The following GSE1 variants were observed in gnomAD, a reference collection of about 807,000 sequenced individuals.
The protein encoded by GSE1 is Gse1 coiled-coil protein, also known as genetic suppressor element 1.
A neutral mutation model predicts 112.6 loss-of-function variants in GSE1; 32 were observed. The ratio of observed to expected loss-of-function variants is 0.28; its 90% CI spans 0.21 to 0.38. The LOEUF is 0.38. GSE1 is among the 10% of genes least tolerant of loss of function. The pLI is 1.00. For missense variants in GSE1, 2,348 were observed against 1,699.2 expected (o/e 1.38, Z -6.71); for synonymous variants, 1,115 against 735.6 (o/e 1.52, Z -8.35).
intron 1 of GSE1, among the ~76,000 whole-genome samples, chr16:85,257,252 G>A (rs1224067335): frequency 6.6e-6 from 1 of 152,154 alleles, no homozygotes; most frequent in Non-Finnish European, 1.5e-5. Flanking sequence ...GGCATTACAG[G>A]AGCCCTGCCA....
intron 2 of GSE1, among the ~76,000 whole-genome samples, chr16:85,543,463 G>C (rs1419856737): frequency 6.6e-6 from 1 of 152,210 alleles, no homozygotes; most frequent in African/African-American, 2.4e-5. Context: ...GAGGCACCAG[G>C]GTTGCCCACC....
intron 1 of GSE1, among the ~76,000 whole-genome samples, chr16:85,355,524 G>C (rs948771286): frequency 2.6e-5 from 4 of 152,224 alleles, no homozygotes; most frequent in Non-Finnish European, 4.4e-5. Context: ...CCAAGACAGA[G>C]AGCAGACGCC....
intron 2 of GSE1, among the ~76,000 whole-genome samples, chr16:85,442,753 A>T (rs1204647975): frequency 6.6e-6 from 1 of 152,206 alleles, no homozygotes; most frequent in African/African-American, 2.4e-5. Context: ...TAGCTCCCGT[A>T]TTAGTGGCTG....
intron 1 of GSE1, among the ~76,000 whole-genome samples, chr16:85,626,878 TC>T (rs969926958): frequency 6.6e-5 from 10 of 151,248 alleles, no homozygotes; most frequent in African/African-American, 2.4e-4. Flanking sequence ...TAGAGAGGCC[TC>T]CCCCCTCGTT....
chr16:85,544,633 T>G (rs1159077019), intron 2 of GSE1, among the ~76,000 whole-genome samples: 2 of 152,186 alleles, frequency 1.3e-5, no homozygotes, highest in Non-Finnish European at 2.9e-5. Flanking sequence ...CCACATCTTG[T>G]TGGCCAGAGG....
At chr16:85,345,903 G>A (rs1315962853) in intron 1 of GSE1, among the ~76,000 whole-genome samples, 1 of 152,198 alleles carries the variant, frequency 6.6e-6, no homozygotes, top group Non-Finnish European at 1.5e-5. Context: ...CAGTGGATAT[G>A]TGGATGGGTG....
intron 1 of GSE1, among the ~76,000 whole-genome samples, chr16:85,211,727 C>T (rs546881227): frequency 6.6e-6 from 1 of 152,182 alleles, no homozygotes. Flanking sequence ...TGGAGCCTGA[C>T]AGGGTACTGG....
intron 1 of GSE1, among the ~76,000 whole-genome samples, chr16:85,588,951 ATTCACACACACG>A: frequency 6.6e-6 from 1 of 152,186 alleles, no homozygotes. Flanking sequence ...ACTCACACAT[ATTCACACACACG>A]TTCACACTAA....
At chr16:85,381,413 A>C (rs2047543310) in intron 2 of GSE1, among the ~76,000 whole-genome samples, 1 of 152,182 alleles carries the variant, frequency 6.6e-6, no homozygotes, top group African/African-American at 2.4e-5. Context: ...GCTGCTGGGA[A>C]CATGAGTGTG....
intron 1 of GSE1, among the ~76,000 whole-genome samples, chr16:85,205,271 A>G (rs1463509001): frequency 6.6e-6 from 1 of 152,076 alleles, no homozygotes; most frequent in Non-Finnish European, 1.5e-5. Flanking sequence ...AGCTGGAATT[A>G]CAGGTGCCCA....
In GSE1 at chr16:85,656,404, C is replaced by A; in HGVS notation, c.1051C>A (p.Arg351Ser). ...GCGCGAGCGCGAGCGCGAGCGTGAG[C>A]GTGAGGCTGACCGCGAGCGGGAGAA... ...RERERERERE[R>S]EADREREKER... is the part of the protein sequence containing the mutation. Residue 351 changes from arginine (R) to serine (S), a missense_variant, in exon 7 of 16, where the codon CGT (arginine) becomes AGT (serine). Physicochemically the swap from Arg to Ser is moderately radical, Grantham distance 110. Transcript: ENST00000253458. 1 of 1,540,254 alleles carries A rather than the reference C, an allele frequency of 6.5e-7. No individual in the cohort carries two copies. Among genetic ancestry groups the A allele is most frequent in the Non-Finnish European group, 8.9e-7 (1 of 1,129,392 alleles).
intron 1 of GSE1, among the ~76,000 whole-genome samples, chr16:85,287,715 C>G (rs972691551): frequency 2.6e-5 from 4 of 152,096 alleles, no homozygotes; most frequent in Non-Finnish European, 5.9e-5. Context: ...GACCACACCC[C>G]CCGATGCCAT....
chr16:85,628,497 C>G (rs2049264932), intron 1 of GSE1, among the ~76,000 whole-genome samples: 1 of 152,118 alleles, frequency 6.6e-6, no homozygotes, highest in African/African-American at 2.4e-5. Flanking sequence ...CTGAGGTAGC[C>G]TCAGACCCAG....
chr16:85,661,872 C>T (rs781553944), intron 9 of GSE1, 107 bp downstream of exon 9: 55 of 1,173,922 alleles, frequency 4.7e-5, no homozygotes, highest in Non-Finnish European at 6.0e-5. Flanking sequence ...TGCTTTTTGC[C>T]TGGGGTAGTC....
intron 2 of GSE1, among the ~76,000 whole-genome samples, chr16:85,378,243 C>CT (rs1365786324): frequency 1.1e-4 from 17 of 152,172 alleles, no homozygotes; most frequent in African/African-American, 2.2e-4. Context: ...CTCTGGGACT[C>CT]TGTGATGTTC....
intron 2 of GSE1, among the ~76,000 whole-genome samples, chr16:85,368,054 A>G (rs1254231473): frequency 6.6e-6 from 1 of 151,996 alleles, no homozygotes; most frequent in Non-Finnish European, 1.5e-5. Flanking sequence ...GGGTTACTCC[A>G]TGTTGGTCGG....
intron 1 of GSE1, among the ~76,000 whole-genome samples, chr16:85,307,828 C>T (rs1214075179): frequency 1.3e-5 from 2 of 152,188 alleles, no homozygotes; most frequent in Non-Finnish European, 2.9e-5. Flanking sequence ...CAAAGACACT[C>T]TCATCAGGCG....
Position 85,523,661 on chromosome 16 carries a change from C to T in GSE1, c.2465-110253C>T, listed in dbSNP as rs147225034. Among the ~76,000 whole-genome samples, 14 of 152,348 alleles carry T rather than the reference C, an allele frequency of 9.2e-5. No individual in the cohort carries two copies. The East Asian group carries it at 2.5e-3, about 27-fold the overall frequency. On this transcript the variant is annotated intron_variant, in intron 2 of 2. Transcript: ENST00000637419. ...GGGACAGAGGGGGTCCCTCCTCGTG[C>T]CTGCCTCCACCCCCAAACCTTCCCT... is the stretch of plus-strand genomic sequence containing the variant.
rs769389836 is a variant in GSE1 at position 85,661,159 on chromosome 16, C to G, written c.1654C>G (p.Arg552Gly). ...TTCACTCCCTAGGCCAGGACCAAAC[C>G]GTCACGAGCCAGGTGGCCGTGACCC... ...PESTTRPGPN[R>G]HEPGGRDPPQ... The change falls in exon 9 of 16, where the codon CGT becomes GGT. Residue 552 changes from arginine to glycine, a missense_variant. Physicochemically the swap from Arg to Gly is moderately radical, Grantham distance 125 (BLOSUM62 -2). Coordinates refer to ENST00000253458, the MANE Select transcript of GSE1 (RefSeq NM_014615.5). 3 of 1,587,614 alleles carry G rather than the reference C, an allele frequency of 1.9e-6. No homozygotes were observed. Among genetic ancestry groups the G allele is most frequent in the East Asian group, 2.3e-5 (1 of 44,286 alleles).
Sources: gnomAD v4.1 joint callset for allele counts (sites outside exome capture counted in the v4.1 genomes callset) on GRCh38, gnomAD v4.1.1 for gene constraint, MANE v1.5 for transcripts, NCBI Gene and HGNC (gene_info 2026-07-23, HGNC 2026-07-21) for gene names.